The following CAMK1D variants were observed in gnomAD, a reference collection of about 807,000 sequenced individuals.
CAMK1D encodes the protein calcium/calmodulin-dependent protein kinase type 1D.
CAMK1D carries 9 observed loss-of-function variants against 47.7 expected under a neutral mutation model. That is an observed-to-expected ratio of 0.19 (90% CI 0.11 to 0.33). CAMK1D has a LOEUF of 0.33. Among genes scored for constraint, CAMK1D ranks in the 10% least tolerant of loss-of-function variants. The pLI is 1.00. For missense variants in CAMK1D, 291 were observed against 488.7 expected (o/e 0.60, Z 3.81); for synonymous variants, 184 against 184.9 (o/e 0.99, Z 0.04).
intron 2 of CAMK1D, among the ~76,000 whole-genome samples, chr10:12,650,614 A>G (rs998570689): frequency 1.3e-5 from 2 of 152,098 alleles, no homozygotes; most frequent in African/African-American, 4.8e-5. Context: ...TGCAGTGGAC[A>G]TGGCAAAAGG....
intron 2 of CAMK1D, among the ~76,000 whole-genome samples, chr10:12,559,028 G>A (rs1461575718): frequency 6.6e-6 from 1 of 151,990 alleles, no homozygotes; most frequent in Non-Finnish European, 1.5e-5. Flanking sequence ...GATTAGCCGG[G>A]CACGGTGAGT....
At chr10:12,817,759 CG>C (rs1278686628) in intron 8 of CAMK1D, among the ~76,000 whole-genome samples, 1 of 152,132 alleles carries the variant, frequency 6.6e-6, no homozygotes, top group African/African-American at 2.4e-5. Flanking sequence ...GGGGCAGTCT[CG>C]GCTCACTGCA....
chr10:12,405,713 GA>G (rs1177443320), intron 1 of CAMK1D, among the ~76,000 whole-genome samples: 1 of 152,156 alleles, frequency 6.6e-6, no homozygotes, highest in Non-Finnish European at 1.5e-5. Flanking sequence ...TATGAGACAG[GA>G]GTTTGTTGAG....
chr10:12,355,801 G>A (rs1412782999), intron 1 of CAMK1D, among the ~76,000 whole-genome samples: 1 of 152,154 alleles, frequency 6.6e-6, no homozygotes, highest in Admixed American at 6.5e-5. Context: ...TAGGCACCGA[G>A]GAGACGGCAG....
intron 1 of CAMK1D, among the ~76,000 whole-genome samples, chr10:12,551,670 A>C (rs1182957007): frequency 6.6e-6 from 1 of 151,556 alleles, no homozygotes; most frequent in Non-Finnish European, 1.5e-5. Context: ...CCTGAGAGGC[A>C]GAGGTTGCAG....
At chr10:12,486,866 AG>A (rs1564368331) in intron 1 of CAMK1D, among the ~76,000 whole-genome samples, 1 of 152,134 alleles carries the variant, frequency 6.6e-6, no homozygotes, top group Admixed American at 6.6e-5. Context: ...TGAGCCCAGG[AG>A]TTTGAGGCTG....
At chr10:12,512,018 C>A (rs1046851743) in intron 1 of CAMK1D, among the ~76,000 whole-genome samples, 2 of 152,148 alleles carry the variant, frequency 1.3e-5, no homozygotes, top group Non-Finnish European at 2.9e-5. Context: ...GTCTGGTGTT[C>A]CCCATAGAGT....
intron 2 of CAMK1D, among the ~76,000 whole-genome samples, chr10:12,584,744 C>T (rs115445580): frequency 5.2e-4 from 79 of 152,098 alleles, no homozygotes; most frequent in African/African-American, 1.8e-3. Flanking sequence ...AGCTTGAGCC[C>T]GGGAGGTCAA....
At chr10:12,633,885 C>T (rs1457217336) in intron 2 of CAMK1D, among the ~76,000 whole-genome samples, 4 of 152,190 alleles carry the variant, frequency 2.6e-5, no homozygotes, top group Non-Finnish European at 4.4e-5. Flanking sequence ...AAGGTAGGCA[C>T]AGGCCTTTGT....
intron 1 of CAMK1D, among the ~76,000 whole-genome samples, chr10:12,439,507 G>A (rs1341255701): frequency 1.3e-5 from 2 of 152,152 alleles, no homozygotes; most frequent in Non-Finnish European, 2.9e-5. Context: ...AACAGCTGTG[G>A]GATTTGCTCT....
chr10:12,752,739 G>A (rs1836046169), intron 3 of CAMK1D, among the ~76,000 whole-genome samples: 1 of 152,108 alleles, frequency 6.6e-6, no homozygotes, highest in Non-Finnish European at 1.5e-5. Context: ...TTGAATAATT[G>A]TTCTCCGTAA....
At chr10:12,355,527 A>C (rs1837484832) in intron 1 of CAMK1D, among the ~76,000 whole-genome samples, 1 of 151,548 alleles carries the variant, frequency 6.6e-6, no homozygotes, top group Non-Finnish European at 1.5e-5. Flanking sequence ...ATGCACAAAC[A>C]CTCGAGGTGG....
chr10:12,694,271 TATTATACATA>T (rs1833129897), intron 3 of CAMK1D, among the ~76,000 whole-genome samples: 1 of 77,704 alleles, frequency 1.3e-5, no homozygotes, highest in Non-Finnish European at 2.2e-5. Context: ...ATATAATATA[TATTATACATA>T]ATATAAAATA....
intron 5 of CAMK1D, among the ~76,000 whole-genome samples, chr10:12,777,363 CTTT>C (rs869192068): frequency 1.1e-5 from 1 of 88,522 alleles, no homozygotes. Flanking sequence ...TTTGGTTGAA[CTTT>C]TTTTTTTTTT....
intron 1 of CAMK1D, among the ~76,000 whole-genome samples, chr10:12,414,879 A>C (rs930890779): frequency 1.3e-5 from 2 of 152,214 alleles, no homozygotes; most frequent in African/African-American, 4.8e-5. Flanking sequence ...GGCCAAATTC[A>C]GTTCAAATTA....
intron 3 of CAMK1D, among the ~76,000 whole-genome samples, chr10:12,746,363 C>CAAAAAAAAAAAAAAAAAA (rs542434085): frequency 2.4e-4 from 21 of 86,814 alleles, no homozygotes; most frequent in East Asian, 7.0e-4. Flanking sequence ...GACTCCGTCT[C>CAAAAAAAAAAAAAAAAAA]AAAAAAAAAA....
chr10:12,774,398 C>A (rs984100507), intron 5 of CAMK1D, among the ~76,000 whole-genome samples: 1 of 151,914 alleles, frequency 6.6e-6, no homozygotes, highest in African/African-American at 2.4e-5. Flanking sequence ...AGTGCAGAGG[C>A]CTGAAGGCAG....
At chr10:12,544,392 A>G (rs533686372) in intron 1 of CAMK1D, among the ~76,000 whole-genome samples, 9 of 152,360 alleles carry the variant, frequency 5.9e-5, no homozygotes, top group African/African-American at 1.9e-4. Flanking sequence ...CATCTGTATA[A>G]AAATCTGCTG....
At chr10:12,761,889 A>AAAT (rs1836528831) in intron 4 of CAMK1D, among the ~76,000 whole-genome samples, 3 of 151,998 alleles carry the variant, frequency 2.0e-5, no homozygotes, top group East Asian at 1.9e-4. Context: ...CGTCTCAAAA[A>AAAT]AAATAAATAA....
Sources: gnomAD v4.1 joint callset for allele counts (sites outside exome capture counted in the v4.1 genomes callset) on GRCh38, gnomAD v4.1.1 for gene constraint, MANE v1.5 for transcripts, NCBI Gene and HGNC (gene_info 2026-07-23, HGNC 2026-07-21) for gene names.